The following CDKL2 variants were observed in gnomAD, a reference collection of about 807,000 sequenced individuals.
The protein encoded by CDKL2 is cyclin dependent kinase like 2, also known as cyclin-dependent kinase-like 2.
Under a neutral mutation model 63.9 loss-of-function variants are expected in CDKL2, and 64 were observed. The ratio of observed to expected loss-of-function variants is 1.00; its 90% CI spans 0.82 to 1.23. The LOEUF (loss-of-function observed/expected upper bound fraction) is 1.23. Among genes scored for constraint, CDKL2 ranks in the 50% most tolerant of loss-of-function variants. The probability of loss-of-function intolerance (pLI) is 0.00; values close to 1 mark genes in which losing one functional copy is unlikely to be tolerated. For missense variants in CDKL2, 656 were observed against 668.0 expected (o/e 0.98, Z 0.20); for synonymous variants, 211 against 229.2 (o/e 0.92, Z 0.72).
Position 75,625,961 on chromosome 4 carries a change from C to A in CDKL2, c.28G>T (p.Val10Phe), listed in dbSNP as rs773803257. 51 of 1,609,004 alleles carry A rather than the reference C, an allele frequency of 3.2e-5. 2 individuals carry two copies. The South Asian group carries it at 4.0e-4, about 13-fold the overall frequency. Residue 10 changes from valine to phenylalanine, a missense_variant, in exon 2 of 14, where the codon GTT becomes TTT. Val to Phe is a conservative substitution (Grantham distance 50, BLOSUM62 -1). Transcript: ENST00000307465. MEKYENLGL[V>F]GEGSYGMVMK... ...ACCATTCCATAACTCCCTTCTCCAA[C>A]CAAACCCAGGTTTTCATATTTTTCC...
intron 2 of CDKL2, among the ~76,000 whole-genome samples, chr4:75,621,407 C>A (rs1289354007): frequency 6.6e-6 from 1 of 151,870 alleles, no homozygotes; most frequent in African/African-American, 2.4e-5. Context: ...CACAGTAAGA[C>A]TGATGTCTGA....
At chr4:75,600,815 C>T (rs1225277020) in intron 6 of CDKL2, among the ~76,000 whole-genome samples, 1 of 152,120 alleles carries the variant, frequency 6.6e-6, no homozygotes, top group Admixed American at 6.6e-5. Context: ...CAAATCTAGA[C>T]AATGACCGTC....
intron 3 of CDKL2, among the ~76,000 whole-genome samples, chr4:75,608,935 A>G (rs1729551058): frequency 6.6e-6 from 1 of 151,646 alleles, no homozygotes; most frequent in Admixed American, 6.6e-5. Flanking sequence ...TGGAGGTTGC[A>G]GTGAGCCAAG....
In CDKL2 at chr4:75,596,227, A is replaced by T; in HGVS notation, c.1416+20T>A. The T allele has an allele frequency of 7.2e-7, 1 of 1,385,968 alleles. No homozygotes were observed. 85.9% of individuals were successfully genotyped at this position (1,385,968 alleles called of 1,614,324 possible). ...GCTGACTGGTGTTTGCTCTTCTACTACTGAGAACTGCTTACTTACTAATGT... is the reference window on the plus strand; with the variant it reads ...GCTGACTGGTGTTTGCTCTTCTACTTCTGAGAACTGCTTACTTACTAATGT... On this transcript the variant is annotated intron_variant, in intron 10 of 13. Transcript: ENST00000307465.
intron 7 of CDKL2, among the ~76,000 whole-genome samples, chr4:75,599,374 C>G (rs954922379): frequency 2.4e-4 from 37 of 151,908 alleles, no homozygotes; most frequent in Non-Finnish European, 2.1e-4. Flanking sequence ...CCAGCCTGAC[C>G]AACACAGAGA....
Position 75,625,961 on chromosome 4 carries a change from C to G in CDKL2, c.28G>C (p.Val10Leu). 6.2e-7 allele frequency: 1 copy of G among 1,609,004 alleles called. No individual in the cohort carries two copies. Among genetic ancestry groups the G allele is most frequent in the Non-Finnish European group, 8.5e-7 (1 of 1,178,856 alleles). The change falls in exon 2 of 14, where the codon GTT becomes CTT. Residue 10 changes from valine (V) to leucine (L), a missense_variant. Physicochemically the swap from Val to Leu is conservative, Grantham distance 32. Coordinates refer to ENST00000307465, the MANE Select transcript of CDKL2 (RefSeq NM_001330724.2). MEKYENLGL[V>L]GEGSYGMVMK... ...ACCATTCCATAACTCCCTTCTCCAA[C>G]CAAACCCAGGTTTTCATATTTTTCC...
chr4:75,590,291 C>G (rs1728662104), intron 12 of CDKL2, among the ~76,000 whole-genome samples: 1 of 152,192 alleles, frequency 6.6e-6, no homozygotes, highest in Non-Finnish European at 1.5e-5. Flanking sequence ...TTAAATGTTG[C>G]TATAGAAATT....
In CDKL2 at chr4:75,592,248, A is replaced by C. The variant is rs976401754; in HGVS notation, c.1438T>G (p.Phe480Val). 1 of 1,532,734 alleles carries C rather than the reference A, an allele frequency of 6.5e-7. No individual in the cohort carries two copies. Among genetic ancestry groups the C allele is most frequent in the Admixed American group, 2.0e-5 (1 of 50,094 alleles). 94.9% of individuals were successfully genotyped at this position (1,532,734 alleles called of 1,614,324 possible). The change falls in exon 11 of 14, where the codon TTT becomes GTT. Residue 480 changes from phenylalanine to valine, a missense_variant. Physicochemically the swap from Phe to Val is conservative, Grantham distance 50 (BLOSUM62 -1). Coordinates refer to ENST00000307465, the MANE Select transcript of CDKL2 (RefSeq NM_001330724.2). ...TTLVSSEKNLFWASKKRREYS... is the reference protein window; with the variant it reads ...TTLVSSEKNLVWASKKRREYS... ...TCTCTTCTTTTCTTACTTGCCCAAA[A>C]GAGGTTTTTTTCACTAGAGACCTAA...
At chr4:75,588,845 C>G (rs1728584721) in intron 12 of CDKL2, among the ~76,000 whole-genome samples, 1 of 147,298 alleles carries the variant, frequency 6.8e-6, no homozygotes, top group Non-Finnish European at 1.5e-5. Flanking sequence ...TCTGCATTAT[C>G]TGTTGTGCCA....
intron 10 of CDKL2, among the ~76,000 whole-genome samples, chr4:75,593,270 T>C (rs923123779): frequency 1.3e-5 from 2 of 151,784 alleles, no homozygotes; most frequent in African/African-American, 2.4e-5. Context: ...AATTTAAAAA[T>C]GAGTTTAAAC....
chr4:75,602,311 C>T (rs898963763), intron 6 of CDKL2, among the ~76,000 whole-genome samples: 4 of 152,068 alleles, frequency 2.6e-5, no homozygotes, highest in African/African-American at 4.8e-5. Context: ...TCCCGAGTAG[C>T]GGGGGTTACA....
At chr4:75,607,449 T>A in intron 3 of CDKL2, 88 bp from the exon 4 acceptor site, 1 of 963,492 alleles carries the variant, frequency 1.0e-6, no homozygotes, top group Non-Finnish European at 1.5e-6. Context: ...ATGTTGTCCC[T>A]ATAAAGAATA....
chr4:75,617,413 A>G (rs1403989070), intron 2 of CDKL2, among the ~76,000 whole-genome samples: 1 of 152,194 alleles, frequency 6.6e-6, no homozygotes, highest in Non-Finnish European at 1.5e-5. Flanking sequence ...CCTGCTTTAT[A>G]GCTGAAGCAA....
At position 75,596,350 on chromosome 4, in the gene CDKL2, C is replaced by CAA; in HGVS notation, c.1323-12_1323-11dup. 6.8e-7 allele frequency: 1 copy of CAA among 1,477,094 alleles called. No individual in the cohort carries two copies. Among genetic ancestry groups the CAA allele is most frequent in the Non-Finnish European group, 9.3e-7 (1 of 1,076,868 alleles). 91.5% of individuals were successfully genotyped at this position (1,477,094 alleles called of 1,614,324 possible). A position where few individuals can be genotyped will look rare whatever the true frequency, so the allele number is the denominator to read the frequency against. On this transcript the variant is annotated splice_polypyrimidine_tract_variant and intron_variant, in intron 9 of 13. Transcript: ENST00000307465. The stretch of plus-strand genomic sequence containing the variant: ...AGTTTTCTCATCCACTCTGTAACGA[C>CAA]AAAAAAAAATGTTTTTAAGTTAGAA...
intron 4 of CDKL2, among the ~76,000 whole-genome samples, chr4:75,606,188 T>C (rs1409281094): frequency 6.6e-6 from 1 of 150,416 alleles, no homozygotes; most frequent in Admixed American, 6.7e-5. Context: ...ACAGTAACAA[T>C]GAAGAGAACT....
chr4:75,596,509 ACTACC>A (rs1412732729), intron 9 of CDKL2, among the ~76,000 whole-genome samples, 169 bp from the exon 10 acceptor site: 1 of 152,200 alleles, frequency 6.6e-6, no homozygotes, highest in Non-Finnish European at 1.5e-5. Flanking sequence ...ATTCTTTAAC[ACTACC>A]CTCATGCCTC....
chr4:75,597,304 A>G, intron 8 of CDKL2, 68 bp from the exon 9 acceptor site: 2 of 991,446 alleles, frequency 2.0e-6, no homozygotes, highest in South Asian at 3.2e-5. Flanking sequence ...CTCTTCTTAT[A>G]AAGTACTTGT....
intron 2 of CDKL2, among the ~76,000 whole-genome samples, chr4:75,618,100 C>CA (rs1297914975): frequency 0.52 from 38,457 of 73,744 alleles, 9,939 homozygotes; most frequent in East Asian, 0.83. Context: ...GACTCTGTCT[C>CA]AAAAAAAAAA....
intron 4 of CDKL2, among the ~76,000 whole-genome samples, chr4:75,605,903 G>T (rs923306524): frequency 6.6e-6 from 1 of 151,836 alleles, no homozygotes; most frequent in Non-Finnish European, 1.5e-5. Flanking sequence ...AATTACCCAT[G>T]AAATGATTTT....
Sources: allele counts gnomAD v4.1 joint callset (sites outside exome capture counted in the v4.1 genomes callset), GRCh38; gene constraint gnomAD v4.1.1; transcripts MANE v1.5; gene names NCBI Gene and HGNC (gene_info 2026-07-23, HGNC 2026-07-21).